RBM20: variants seen among roughly 807,000 people sequenced by gnomAD.
RBM20 encodes RNA binding motif protein 20.
RBM20 carries 51 observed loss-of-function variants against 110.1 expected under a neutral mutation model. That is an observed-to-expected ratio of 0.46 (90% CI 0.37 to 0.59). RBM20 has a LOEUF of 0.59. RBM20 is among the 20% of genes least tolerant of loss of function. The pLI is 0.00. For missense variants in RBM20, 1,512 were observed against 1,574.9 expected, an observed-to-expected ratio of 0.96 and a Z score of 0.68; for synonymous variants, 589 against 618.2, an observed-to-expected ratio of 0.95 and a Z score of 0.70.
At chr10:110,713,690 A>C (rs753103387) in intron 1 of RBM20, among the ~76,000 whole-genome samples, 8 of 152,230 alleles carry the variant, frequency 5.3e-5, no homozygotes, top group Non-Finnish European at 8.8e-5. Flanking sequence ...ACTCACATTC[A>C]TCAATTTAAT....
chr10:110,808,171 G>A (rs1169014263), intron 7 of RBM20, among the ~76,000 whole-genome samples: 2 of 152,256 alleles, frequency 1.3e-5, no homozygotes, highest in Admixed American at 1.3e-4. Flanking sequence ...ATCAAGTGCA[G>A]TCAGCTCCAA....
At chr10:110,803,776 A>G (rs549867768) in intron 7 of RBM20, among the ~76,000 whole-genome samples, 2 of 149,736 alleles carry the variant, frequency 1.3e-5, no homozygotes, top group African/African-American at 4.9e-5. Context: ...TCTGCACGTA[A>G]CAGAAATTCA....
intron 1 of RBM20, among the ~76,000 whole-genome samples, chr10:110,779,739 G>A (rs565148358): frequency 6.6e-6 from 1 of 152,272 alleles, no homozygotes; most frequent in East Asian, 1.9e-4. Flanking sequence ...CTTGGTGTGT[G>A]GAGAAAACCT....
chr10:110,729,531 G>A (rs1843597898), intron 1 of RBM20, among the ~76,000 whole-genome samples: 1 of 152,096 alleles, frequency 6.6e-6, no homozygotes, highest in East Asian at 1.9e-4. Flanking sequence ...CTTCTTCTAG[G>A]CTATGAGCCG....
chr10:110,774,431 T>C (rs1287100550), intron 1 of RBM20, among the ~76,000 whole-genome samples: 4 of 152,270 alleles, frequency 2.6e-5, no homozygotes, highest in Non-Finnish European at 5.9e-5. Flanking sequence ...AGCAGCCCTA[T>C]TGTTATCAAG....
In RBM20 at chr10:110,691,953, A is replaced by G. The variant is rs1293494313; in HGVS notation, c.191+47308A>G. Among the ~76,000 whole-genome samples, 2 of 152,100 alleles carry G rather than the reference A, an allele frequency of 1.3e-5. 1 individual carries two copies. The highest frequency in any genetic ancestry group is 1.3e-4 in the Admixed American group (2 of 15,266). ...TCTGGTCTTTGATTCCTTTTTGCAT[A>G]TTGTGTAAGGATCCAACTTCATTAT... is the stretch of plus-strand genomic sequence containing the variant. On this transcript the variant is annotated intron_variant, in intron 1 of 13. Transcript: ENST00000369519.
At chr10:110,662,090 G>A (rs1862113286) in intron 1 of RBM20, among the ~76,000 whole-genome samples, 1 of 152,018 alleles carries the variant, frequency 6.6e-6, no homozygotes, top group East Asian at 1.9e-4. Flanking sequence ...GACGCTCAAG[G>A]GAGATGATCT....
At chr10:110,753,565 G>A (rs191770185) in intron 1 of RBM20, among the ~76,000 whole-genome samples, 22 of 152,178 alleles carry the variant, frequency 1.4e-4, no homozygotes, top group Admixed American at 6.5e-4. Flanking sequence ...AACTCTTTGC[G>A]TGCCTGAAAA....
Position 110,768,949 on chromosome 10 carries a change from TC to T in RBM20, c.192-11851del, listed in dbSNP as rs1357182168. On this transcript the variant is annotated intron_variant, in intron 1 of 13. Coordinates refer to ENST00000369519, the MANE Select transcript of RBM20 (RefSeq NM_001134363.3). ...GACCCTTTGTGGACTTGTAGAAATT[TC>T]AGTGTTTATTCTTCAGGGTCATTTA... Among the ~76,000 whole-genome samples, 6 of 152,350 alleles carry T rather than the reference TC, an allele frequency of 3.9e-5. No individual in the cohort carries two copies. The East Asian group carries it at 9.6e-4, about 24-fold the overall frequency.
chr10:110,768,112 C>G (rs914263912), intron 1 of RBM20, among the ~76,000 whole-genome samples: 2 of 152,212 alleles, frequency 1.3e-5, no homozygotes, highest in Non-Finnish European at 2.9e-5. Context: ...CGCCTGCAAT[C>G]GCAGGCACTC....
chr10:110,835,973 C>G lies in RBM20; in HGVS notation c.3679C>G (p.Leu1227Val). 8.7e-7 allele frequency: 1 copy of G among 1,154,732 alleles called. No individual in the cohort carries two copies. Among genetic ancestry groups the G allele is most frequent in the Non-Finnish European group, 1.3e-6 (1 of 796,356 alleles). 71.5% of individuals were successfully genotyped at this position (1,154,732 alleles called of 1,614,324 possible). Residue 1227 changes from leucine to valine, a missense_variant, in exon 14 of 14, where the codon CTC becomes GTC. By Grantham distance (32) the Leu-to-Val change is conservative. Coordinates refer to ENST00000369519, the MANE Select transcript of RBM20 (RefSeq NM_001134363.3). The stretch of plus-strand genomic sequence containing the variant: ...CGTGCCACGCTTCGAAAGGAAAAAG[C>G]TCTGATGCTTCTGCTTCTGCTGCTA... ...GIVPRFERKK[L>V] is the part of the protein sequence containing the mutation.
intron 1 of RBM20, among the ~76,000 whole-genome samples, chr10:110,696,692 G>A (rs918492298): frequency 6.6e-6 from 1 of 152,198 alleles, no homozygotes; most frequent in Non-Finnish European, 1.5e-5. Context: ...GGCTGATAGG[G>A]CAAGTGAGTG....
intron 1 of RBM20, among the ~76,000 whole-genome samples, chr10:110,747,305 G>GC (rs949203466): frequency 2.7e-5 from 4 of 150,628 alleles, no homozygotes; most frequent in African/African-American, 9.8e-5. Flanking sequence ...TTGGGGGGGG[G>GC]GGTCATTCTG....
chr10:110,825,075 C>T lies in RBM20; in HGVS notation c.3451+1461C>T, dbSNP rs541649410. 1.8e-3 allele frequency among the ~76,000 whole-genome samples: 267 copies of T among 151,572 alleles called. 1 individual carries two copies. Among genetic ancestry groups the T allele is most frequent in the African/African-American group, 6.4e-3 (264 of 41,268 alleles). ...TTTTTTAAGGGATAAATTTGCTGCA[C>T]AGCATCTCCCAAGACAAAAACATAA... On this transcript the variant is annotated intron_variant, in intron 12 of 13. Coordinates refer to ENST00000369519, the MANE Select transcript of RBM20 (RefSeq NM_001134363.3).
intron 6 of RBM20, 114 bp from the exon 7 acceptor site, chr10:110,799,673 T>G: frequency 2.0e-6 from 2 of 997,768 alleles, no homozygotes; most frequent in Non-Finnish European, 1.4e-6. Context: ...CCTGTCACCG[T>G]TGATTAGTTT....
At position 110,838,293 on chromosome 10, in the gene RBM20, C is replaced by T. The variant is rs1272877980; in HGVS notation, c.*2315C>T. The T allele has an allele frequency of 6.6e-6, 1 of 152,206 alleles. No homozygotes were observed. Among genetic ancestry groups the T allele is most frequent in the Non-Finnish European group, 1.5e-5 (1 of 68,038 alleles). 9.4% of individuals were successfully genotyped at this position (152,206 alleles called of 1,614,324 possible). On this transcript the variant is annotated 3_prime_UTR_variant, in exon 14 of 14. Coordinates refer to ENST00000369519, the MANE Select transcript of RBM20 (RefSeq NM_001134363.3). ...CAAAGTAAATTTGTTGTAATTTTAT[C>T]TTTTGAGAAGACCATATGGGGGCTG...
At chr10:110,738,209 G>T (rs1309954417) in intron 1 of RBM20, among the ~76,000 whole-genome samples, 2 of 152,176 alleles carry the variant, frequency 1.3e-5, no homozygotes, top group African/African-American at 4.8e-5. Context: ...GAAGGTGAGG[G>T]TTAAAGAAAA....
Position 110,761,121 on chromosome 10 carries a change from GAGAAA to G in RBM20, c.192-19668_192-19664del, listed in dbSNP as rs1564837576. 4.2e-5 allele frequency: 6 copies of G among 141,492 alleles called. No individual in the cohort carries two copies. In the East Asian group the frequency reaches 1.2e-3, roughly 29 times the overall value. 8.8% of individuals were successfully genotyped at this position (141,492 alleles called of 1,614,324 possible). ...TCAAAAAAAAAAAAAAAAAAGAAAA[GAGAAA>G]AGAAAAGAAAAATTAGCCTACAGCC... On this transcript the variant is annotated intron_variant, in intron 1 of 13. Transcript: ENST00000369519.
At chr10:110,786,474 G>C (rs1844420216) in intron 5 of RBM20, among the ~76,000 whole-genome samples, 1 of 152,212 alleles carries the variant, frequency 6.6e-6, no homozygotes, top group Non-Finnish European at 1.5e-5. Context: ...CTGAGCCCAG[G>C]CTTCTGTTTA....
Sources: gnomAD v4.1 joint callset for allele counts (sites outside exome capture counted in the v4.1 genomes callset) on GRCh38, gnomAD v4.1.1 for gene constraint, MANE v1.5 for transcripts, NCBI Gene and HGNC (gene_info 2026-07-23, HGNC 2026-07-21) for gene names.